EPHB4: variants seen among roughly 807,000 people sequenced by gnomAD.
EPHB4 encodes EPH receptor B4.
A neutral mutation model predicts 110.6 loss-of-function variants in EPHB4; 50 were observed. That is an observed-to-expected ratio of 0.45 (90% CI 0.36 to 0.57). EPHB4 has a LOEUF of 0.57. Among genes scored for constraint, EPHB4 ranks in the 20% least tolerant of loss-of-function variants. EPHB4 has a pLI of 0.00. For missense variants in EPHB4, 1,128 were observed against 1,382.1 expected (o/e 0.82, Z 2.91); for synonymous variants, 592 against 578.4 (o/e 1.02, Z -0.34).
intron 13 of EPHB4, 102 bp from the exon 14 acceptor site, chr7:100,806,671 CT>C: frequency 2.2e-6 from 3 of 1,379,776 alleles, no homozygotes; most frequent in Non-Finnish European, 2.9e-6. Flanking sequence ...CTTTTTCCCC[CT>C]AGCTCAGGCC....
Position 100,819,818 on chromosome 7 carries a change from G to A in EPHB4, c.1036C>T (p.Pro346Ser). 1 of 1,560,360 alleles carries A rather than the reference G, an allele frequency of 6.4e-7. No individual in the cohort carries two copies. The highest frequency in any genetic ancestry group is 8.7e-7 in the Non-Finnish European group (1 of 1,152,610). ...GSSLHLEWSA[P>S]LESGGREDLT... ...TCCTCTCGGCCACCAGACTCCAGGG[G>A]GGCACTCCATTCCAGGTGCAGGGAG... The change falls in exon 6 of 17, where the codon CCC becomes TCC. Residue 346 changes from proline (P) to serine (S), a missense_variant. Pro to Ser is a moderately conservative substitution (Grantham distance 74, BLOSUM62 -1). Transcript: ENST00000358173.
intron 7 of EPHB4, 108 bp downstream of exon 7, chr7:100,818,412 T>C (rs981109774): frequency 2.6e-6 from 4 of 1,517,186 alleles, no homozygotes; most frequent in African/African-American, 2.7e-5. Context: ...AGGGAATCCA[T>C]GGCAGAGCTG....
intron 16 of EPHB4, among the ~76,000 whole-genome samples, chr7:100,804,860 G>A (rs1812780403): frequency 6.6e-6 from 1 of 152,206 alleles, no homozygotes; most frequent in Non-Finnish European, 1.5e-5. Context: ...GTTACCGTGA[G>A]AGCCGGGCCT....
chr7:100,811,652 T>C (rs1211840364), intron 12 of EPHB4, among the ~76,000 whole-genome samples: 2 of 151,990 alleles, frequency 1.3e-5, no homozygotes, highest in Admixed American at 6.6e-5. Context: ...GGAGGCTCGC[T>C]TGAGGCCAGG....
intron 14 of EPHB4, 125 bp downstream of exon 14, chr7:100,806,292 TCTC>T (rs1812815703): frequency 1.7e-6 from 2 of 1,160,676 alleles, no homozygotes; most frequent in Non-Finnish European, 1.2e-6. Context: ...AAAGATCAAT[TCTC>T]CTTTTTGTCA....
chr7:100,807,623 C>G, intron 12 of EPHB4, 43 bp from the exon 13 acceptor site: 1 of 1,576,306 alleles, frequency 6.3e-7, no homozygotes, highest in Non-Finnish European at 8.7e-7. Context: ...GACAGCCCAC[C>G]CACCGTTCCC....
rs1163523115 is a variant in EPHB4, at chr7:100,819,852, C to G, written c.1002G>C (p.Leu334=). ...PSAPRSVVSR[L]NGSSLHLEWS... ...ATTCCAGGTGCAGGGAGGAGCCGTT[C>G]AGGCGGGAAACCACGCTCCGCGGAG... Residue 334 remains leucine (L), a synonymous_variant, in exon 6 of 17, where the codon CTG becomes CTC. Coordinates refer to ENST00000358173, the MANE Select transcript of EPHB4 (RefSeq NM_004444.5). 6.4e-7 allele frequency: 1 copy of G among 1,552,490 alleles called. No individual in the cohort carries two copies. Among genetic ancestry groups the G allele is most frequent in the Admixed American group, 2.0e-5 (1 of 51,170 alleles).
At chr7:100,803,698 A>G (rs545531512) in intron 16 of EPHB4, 108 bp from the exon 17 acceptor site, 3 of 1,339,776 alleles carry the variant, frequency 2.2e-6, no homozygotes, top group South Asian at 1.9e-5. Flanking sequence ...CAATCAGAAA[A>G]GCCAGCGGGG....
chr7:100,812,688 T>C (rs1812963572), intron 12 of EPHB4, 59 bp downstream of exon 12: 1 of 1,567,776 alleles, frequency 6.4e-7, no homozygotes, highest in African/African-American at 1.3e-5. Context: ...TTAACCCAAG[T>C]GGCCTCTGGG....
At chr7:100,813,282 T>G in intron 10 of EPHB4, 74 bp from the exon 11 acceptor site, 1 of 1,186,048 alleles carries the variant, frequency 8.4e-7, no homozygotes, top group Non-Finnish European at 1.2e-6. Context: ...TCATAGCTTT[T>G]AGCCCCAAAC....
chr7:100,807,005 C>T (rs1320059536), intron 13 of EPHB4, among the ~76,000 whole-genome samples: 2 of 152,084 alleles, frequency 1.3e-5, no homozygotes, highest in Non-Finnish European at 2.9e-5. Context: ...CTCTGTCGCC[C>T]AGTCTGCAGT....
Position 100,822,186 on chromosome 7 carries a change from T to C in EPHB4, c.808+85A>G, listed in dbSNP as rs909646250. On this transcript the variant is annotated intron_variant, in intron 4 of 16. Coordinates refer to ENST00000358173, the MANE Select transcript of EPHB4 (RefSeq NM_004444.5). This position sits in a 1 kb window ranked among gnomAD's most constrained non-coding sequence, Gnocchi z 4.7. Reference sequence around the variant, plus strand: ...CATTTCAACATCTAACTATACAAAATGGAAACTTAAGAAGTGGGTCCTGAG... The same window carrying C: ...CATTTCAACATCTAACTATACAAAACGGAAACTTAAGAAGTGGGTCCTGAG... The C allele has an allele frequency of 2.8e-6, 4 of 1,453,068 alleles. No homozygotes were observed. The highest frequency in any genetic ancestry group is 5.0e-5 in the East Asian group (2 of 39,840). The allele number at this position is 1,453,068 out of a possible 1,614,324, so 90.0% of individuals were successfully genotyped here.
At chr7:100,815,213 C>T (rs1224992211) in intron 8 of EPHB4, among the ~76,000 whole-genome samples, 1 of 151,310 alleles carries the variant, frequency 6.6e-6, no homozygotes, top group Non-Finnish European at 1.5e-5. Context: ...GTCCCAGCTG[C>T]TTGGGAGGCT....
At position 100,823,892 on chromosome 7, in the gene EPHB4, C is replaced by T. The variant is rs778299552; in HGVS notation, c.163G>A (p.Val55Met). The change falls in exon 3 of 17, where the codon GTG (valine) becomes ATG (methionine). Residue 55 changes from valine (V) to methionine (M), a missense_variant. By Grantham distance (21) the Val-to-Met change is conservative. Around this residue, in one of 3 missense-constraint regions of EPHB4, gnomAD observed 728 missense variants for 828.6 expected, o/e 0.88. Transcript: ENST00000358173. ...LSGLDEEQHS[V>M]RTYEVCDVQR... Reference sequence around the variant, plus strand: ...ACGTCACACACTTCGTAGGTGCGCACGCTGTGCTGTTCCTCATCCAGGCCG... The same window carrying T: ...ACGTCACACACTTCGTAGGTGCGCATGCTGTGCTGTTCCTCATCCAGGCCG... The T allele has an allele frequency of 1.9e-6, 3 of 1,605,812 alleles. No individual in the cohort carries two copies. Among genetic ancestry groups the T allele is most frequent in the South Asian group, 1.1e-5 (1 of 90,272 alleles).
intron 1 of EPHB4, chr7:100,824,712 T>G: frequency 5.5e-6 from 1 of 181,250 alleles, no homozygotes; most frequent in Non-Finnish European, 1.2e-5. Context: ...CACAATTTCA[T>G]TCCCTGTCCA....
intron 8 of EPHB4, among the ~76,000 whole-genome samples, chr7:100,816,855 G>T (rs1045224484): frequency 1.3e-5 from 2 of 151,926 alleles, no homozygotes; most frequent in Non-Finnish European, 2.9e-5. Context: ...AGGCCGAGGC[G>T]GGCGAATCAC....
In EPHB4 at chr7:100,822,232, CG is replaced by C. The variant is rs1562973398; in HGVS notation, c.808+38del. ...CTGAGTGGAGTTCAGGACTCTCCCC[CG>C]GATGAGCAGCAGTCGCAGGGGAAGC... On this transcript the variant is annotated intron_variant, in intron 4 of 16. Transcript: ENST00000358173. This position sits in a 1 kb window ranked among gnomAD's most constrained non-coding sequence, Gnocchi z 4.7. The C allele has an allele frequency of 6.5e-7, 1 of 1,535,836 alleles. No individual in the cohort carries two copies. The highest frequency in any genetic ancestry group is 1.4e-5 in the African/African-American group (1 of 72,890).
At chr7:100,820,532 A>C in intron 4 of EPHB4, 1 of 384,542 alleles carries the variant, frequency 2.6e-6, no homozygotes, top group Non-Finnish European at 4.6e-6. Flanking sequence ...AAAATGGACA[A>C]AAGATCTCAA....
At chr7:100,821,989 C>T (rs1483814256) in intron 4 of EPHB4, among the ~76,000 whole-genome samples, 5 of 152,000 alleles carry the variant, frequency 3.3e-5, no homozygotes, top group Admixed American at 1.3e-4. Context: ...GGCGAAACCC[C>T]GTCTCTACTA....
Sources: gnomAD v4.1 joint callset for allele counts (sites outside exome capture counted in the v4.1 genomes callset) on GRCh38, gnomAD v4.1.1 for gene constraint, gnomAD v4.1.1 regional missense constraint, Gnocchi (gnomAD v3.1) non-coding constraint, MANE v1.5 for transcripts, NCBI Gene and HGNC (gene_info 2026-07-23, HGNC 2026-07-21) for gene names.